The following STX17 variants were observed in gnomAD, a reference collection of about 807,000 sequenced individuals.
STX17 encodes syntaxin-17.
Under a neutral mutation model 35.9 loss-of-function variants are expected in STX17, and 29 were observed. The ratio of observed to expected loss-of-function variants is 0.81; its 90% confidence interval spans 0.60 to 1.10. The LOEUF is 1.10. Ranked by LOEUF, STX17 falls within the 50% of genes least tolerant of loss-of-function variation. STX17 has a pLI of 0.00. For synonymous variants in STX17, 92 were observed against 118.3 expected, an observed-to-expected ratio of 0.78 and a Z score of 1.44; for missense variants, 312 against 352.3, an observed-to-expected ratio of 0.89 and a Z score of 0.92.
Position 99,972,777 on chromosome 9 carries a change from C to A in STX17, c.*4104C>A, listed in dbSNP as rs1489170831. Among the ~76,000 whole-genome samples the A allele has an allele frequency of 1.3e-5, 2 of 152,150 alleles. No homozygotes were observed. The highest frequency in any genetic ancestry group is 4.8e-5 in the African/African-American group (2 of 41,430). On this transcript the variant is annotated 3_prime_UTR_variant, in exon 8 of 8. Coordinates refer to ENST00000259400, the MANE Select transcript of STX17 (RefSeq NM_017919.3). ...AACCTTAAATATGAAAGGTGTTTCT[C>A]AGGGTCCCCTTTGTCCTTCGTTGCT...
At chr9:99,937,418 A>G (rs1829258946) in intron 3 of STX17, among the ~76,000 whole-genome samples, 1 of 152,190 alleles carries the variant, frequency 6.6e-6, no homozygotes, top group Admixed American at 6.5e-5. Context: ...GTGATAGCTC[A>G]CTGATGCTCT....
rs1829302363 is a variant in STX17 at position 99,939,238 on chromosome 9, CA to C, written c.189+10399del. Among the ~76,000 whole-genome samples the C allele has an allele frequency of 2.0e-5, 3 of 152,018 alleles. No homozygotes were observed. In the South Asian group the frequency reaches 6.2e-4, roughly 32 times the overall value. On this transcript the variant is annotated intron_variant, in intron 3 of 7. Transcript: ENST00000259400. ...GAGAAAAGAAACGATTAAGGAGAAGCAAAACCAGATAGAGAATGGAAAAGAA... is the reference window on the plus strand; with the variant it reads ...GAGAAAAGAAACGATTAAGGAGAAGCAAACCAGATAGAGAATGGAAAAGAA...
chr9:99,964,446 T>C (rs1829879214), intron 6 of STX17, among the ~76,000 whole-genome samples: 1 of 152,216 alleles, frequency 6.6e-6, no homozygotes, highest in Admixed American at 6.5e-5. Flanking sequence ...TATATTACTC[T>C]AGCTTGAGAA....
chr9:99,935,589 A>G, intron 3 of STX17, among the ~76,000 whole-genome samples: 1 of 152,168 alleles, frequency 6.6e-6, no homozygotes, highest in East Asian at 1.9e-4. Flanking sequence ...CTGGGCATAC[A>G]TCTGTGGCGG....
At chr9:99,942,102 C>G (rs1829376774) in intron 3 of STX17, among the ~76,000 whole-genome samples, 1 of 152,200 alleles carries the variant, frequency 6.6e-6, no homozygotes, top group South Asian at 2.1e-4. Flanking sequence ...TGAGTACAAT[C>G]CTGTGGGCAC....
At chr9:99,933,274 C>T (rs935010397) in intron 3 of STX17, among the ~76,000 whole-genome samples, 2 of 152,070 alleles carry the variant, frequency 1.3e-5, no homozygotes, top group Admixed American at 1.3e-4. Context: ...TATTCTATTC[C>T]ATTTGTCAGT....
chr9:99,938,208 G>A (rs183649838), intron 3 of STX17: 1 of 152,194 alleles, frequency 6.6e-6, no homozygotes, highest in African/African-American at 2.4e-5. Context: ...AAATACCGAT[G>A]TATCACTGAT....
intron 2 of STX17, among the ~76,000 whole-genome samples, chr9:99,928,547 C>T (rs1245207371): frequency 6.6e-6 from 1 of 151,790 alleles, no homozygotes; most frequent in Non-Finnish European, 1.5e-5. Flanking sequence ...ATAAAATAAC[C>T]TGCTTAGTGG....
chr9:99,957,782 T>G (rs1829741463), intron 4 of STX17, among the ~76,000 whole-genome samples: 2 of 151,860 alleles, frequency 1.3e-5, no homozygotes, highest in Non-Finnish European at 2.9e-5. Context: ...GCCTCCTGAG[T>G]AGCTGGGATT....
At chr9:99,963,525 C>T (rs1321995553) in intron 6 of STX17, among the ~76,000 whole-genome samples, 1 of 152,134 alleles carries the variant, frequency 6.6e-6, no homozygotes, top group African/African-American at 2.4e-5. Context: ...CAACAATGAG[C>T]TTTATAACAC....
intron 4 of STX17, 27 bp from the exon 5 acceptor site, chr9:99,959,890 A>G (rs367717331): frequency 1.8e-5 from 27 of 1,519,684 alleles, no homozygotes; most frequent in Non-Finnish European, 2.4e-5. Context: ...AATAAACTCT[A>G]AACATGGGGT....
chr9:99,950,651 A>G (rs796704651), intron 3 of STX17, among the ~76,000 whole-genome samples: 3 of 152,054 alleles, frequency 2.0e-5, no homozygotes, highest in African/African-American at 7.2e-5. Context: ...AATGTAATCC[A>G]TTTTTTAATA....
chr9:99,957,313 T>C (rs184979532), intron 4 of STX17, among the ~76,000 whole-genome samples: 59 of 152,350 alleles, frequency 3.9e-4, no homozygotes, highest in African/African-American at 1.3e-3. Context: ...AAAATACTTA[T>C]GTATATATTT....
chr9:99,961,017 CAT>C (rs2118523768), intron 6 of STX17, among the ~76,000 whole-genome samples: 1 of 152,178 alleles, frequency 6.6e-6, no homozygotes, highest in East Asian at 1.9e-4. Flanking sequence ...TGAACAAAGA[CAT>C]GGAGTAGAGA....
At chr9:99,926,505 CTT>C (rs551609742) in intron 2 of STX17, among the ~76,000 whole-genome samples, 5 of 145,004 alleles carry the variant, frequency 3.4e-5, no homozygotes, top group Admixed American at 6.9e-5. Context: ...TTGAGTCTTT[CTT>C]TTTTTTTTTT....
intron 2 of STX17, among the ~76,000 whole-genome samples, chr9:99,920,277 T>C (rs1037232240): frequency 2.0e-5 from 3 of 152,228 alleles, no homozygotes; most frequent in African/African-American, 4.8e-5. Flanking sequence ...CCTACTGTTA[T>C]GAAGATATAC....
At chr9:99,950,947 A>G (rs1258047392) in intron 3 of STX17, 113 bp from the exon 4 acceptor site, 19 of 995,724 alleles carry the variant, frequency 1.9e-5, no homozygotes, top group East Asian at 2.6e-5. Context: ...TACACCTTCT[A>G]TTGTGGAGAT....
At chr9:99,947,390 C>T (rs368291947) in intron 3 of STX17, among the ~76,000 whole-genome samples, 22 of 152,156 alleles carry the variant, frequency 1.4e-4, no homozygotes, top group African/African-American at 4.6e-4. Context: ...TTTGCTCATT[C>T]CCTCATTACA....
Position 99,928,788 on chromosome 9 carries a change from G to A in STX17, c.134G>A (p.Cys45Tyr), listed in dbSNP as rs1487754880. ...HQINIEKYQRCRIWDKLHEEH... is the reference protein window; with the variant it reads ...HQINIEKYQRYRIWDKLHEEH... ...CTTTCTTTTATATAGTATCAAAGGT[G>A]CAGAATCTGGGACAAGTTGCATGAA... is the stretch of plus-strand genomic sequence containing the variant. The change falls in exon 3 of 8, where the codon TGC becomes TAC. Residue 45 changes from cysteine (C) to tyrosine (Y), a missense_variant. Cys to Tyr is a radical substitution (Grantham distance 194). Coordinates refer to ENST00000259400, the MANE Select transcript of STX17 (RefSeq NM_017919.3). 2 of 1,613,400 alleles carry A rather than the reference G, an allele frequency of 1.2e-6. No homozygotes were observed. The highest frequency in any genetic ancestry group is 4.5e-5 in the East Asian group (2 of 44,788).
Sources: gnomAD v4.1 joint callset for allele counts (sites outside exome capture counted in the v4.1 genomes callset) on GRCh38, gnomAD v4.1.1 for gene constraint, MANE v1.5 for transcripts, NCBI Gene and HGNC (gene_info 2026-07-23, HGNC 2026-07-21) for gene names.